The following C1orf141 variants were observed in gnomAD, a reference collection of about 807,000 sequenced individuals.
C1orf141 encodes chromosome 1 open reading frame 141, also known as uncharacterized protein C1orf141.
C1orf141 carries 19 observed loss-of-function variants against 23.2 expected under a neutral mutation model. The ratio of observed to expected loss-of-function variants is 0.82; its 90% CI spans 0.57 to 1.20. The LOEUF is 1.20. Ranked by LOEUF, C1orf141 falls within the 50% of genes most tolerant of loss-of-function variation. C1orf141 has a pLI of 0.00. For synonymous variants in C1orf141, 153 were observed against 154.6 expected (o/e 0.99, Z 0.08); for missense variants, 469 against 455.1 (o/e 1.03, Z -0.28).
At chr1:67,119,621 T>C (rs1022230728) in intron 4 of C1orf141, among the ~76,000 whole-genome samples, 12 of 152,108 alleles carry the variant, frequency 7.9e-5, no homozygotes, top group Admixed American at 6.5e-4. Context: ...GGTAGGTCAG[T>C]GTGGATGTGT....
rs770676818 is a variant in C1orf141, at chr1:67,093,264, T to C, written c.944A>G (p.Tyr315Cys). The change falls in exon 8 of 8, where the codon TAT becomes TGT. Residue 315 changes from tyrosine to cysteine, a missense_variant. Tyr to Cys is a radical substitution (Grantham distance 194, BLOSUM62 -2). Coordinates refer to ENST00000684719, the MANE Select transcript of C1orf141 (RefSeq NM_001276351.2). ...TLENRSWNTL[Y>C]NFSQNFSSLT... ...GCTAGAAAAATTCTGTGAGAAATTA[T>C]AGAGTGTATTCCAAGATCTGTTTTC... The C allele has an allele frequency of 6.2e-7, 1 of 1,613,880 alleles. No homozygotes were observed. The highest frequency in any genetic ancestry group is 1.1e-5 in the South Asian group (1 of 91,076).
At chr1:67,102,116 T>C (rs1645814139) in intron 5 of C1orf141, among the ~76,000 whole-genome samples, 1 of 152,178 alleles carries the variant, frequency 6.6e-6, no homozygotes, top group Non-Finnish European at 1.5e-5. Flanking sequence ...TACAAACCAT[T>C]CATGTCTTGC....
At position 67,093,310 on chromosome 1, in the gene C1orf141, TC is replaced by T; in HGVS notation, c.897del (p.Thr301LeufsTer6). The T allele has an allele frequency of 1.2e-6, 2 of 1,613,808 alleles. No individual in the cohort carries two copies. The highest frequency in any genetic ancestry group is 1.7e-6 in the Non-Finnish European group (2 of 1,179,736). On this transcript the variant is annotated frameshift_variant, in exon 8 of 8. Coordinates refer to ENST00000684719, the MANE Select transcript of C1orf141 (RefSeq NM_001276351.2). LOFTEE classifies it low-confidence loss of function (END_TRUNC). ...TTTTCTAGTGTCTGCTTATTAGTTT[TC>T]TTCTTTAGTTTATCATCTACAGTTG... ...GHTTVDDKLKKKTNKQTLENR... is the reference protein window; with the variant it reads ...GHTTVDDKLKXKTNKQTLENR...
upstream of C1orf141, among the ~76,000 whole-genome samples, chr1:67,137,247 G>A (rs537603620): frequency 1.1e-4 from 16 of 152,206 alleles, no homozygotes; most frequent in South Asian, 4.2e-4. Context: ...TTGTATTTAG[G>A]GTTATAGTTT....
intron 2 of C1orf141, among the ~76,000 whole-genome samples, chr1:67,129,646 G>T (rs1026825279): frequency 1.1e-4 from 16 of 152,124 alleles, no homozygotes; most frequent in African/African-American, 3.9e-4. Flanking sequence ...GAGAAGCCAG[G>T]GTAAGAGAAA....
chr1:67,115,146 T>C (rs1646168355), intron 5 of C1orf141, among the ~76,000 whole-genome samples: 2 of 152,240 alleles, frequency 1.3e-5, no homozygotes, highest in Admixed American at 1.3e-4. Context: ...CATAAAAATA[T>C]ATTCCTATTT....
intron 4 of C1orf141, among the ~76,000 whole-genome samples, chr1:67,120,777 G>A (rs1451912853): frequency 4.0e-5 from 6 of 149,488 alleles, no homozygotes; most frequent in South Asian, 4.4e-4. Flanking sequence ...CCAGGGTATG[G>A]TATTCTTTAT....
rs150418077 is a variant in C1orf141, at chr1:67,113,767, T to A, written c.346+1585A>T. 41 of 1,189,372 alleles carry A rather than the reference T, an allele frequency of 3.4e-5. No homozygotes were observed. The East Asian group carries it at 2.3e-3, about 67-fold the overall frequency. 73.7% of individuals were successfully genotyped at this position (1,189,372 alleles called of 1,614,324 possible). A position where few individuals can be genotyped will look rare whatever the true frequency, so the allele number is the denominator to read the frequency against. On this transcript the variant is annotated intron_variant, in intron 5 of 7. Transcript: ENST00000684719. ...ACTTTTAAAAGATCACTATATGATT[T>A]AAGGAAAGAAAATGGATTAGAGATT...
intron 5 of C1orf141, among the ~76,000 whole-genome samples, chr1:67,101,237 A>G (rs554081379): frequency 2.0e-5 from 3 of 152,214 alleles, no homozygotes; most frequent in African/African-American, 7.2e-5. Context: ...GGAGGTTTTT[A>G]CCCTAGCTTT....
intron 5 of C1orf141, among the ~76,000 whole-genome samples, chr1:67,102,111 AC>A (rs556403284): frequency 1.0e-3 from 157 of 152,262 alleles, no homozygotes; most frequent in Non-Finnish European, 2.0e-3. Flanking sequence ...TGAGCTACAA[AC>A]CATTCATGTC....
At chr1:67,134,755 C>A (rs1646569244) in intron 1 of C1orf141, among the ~76,000 whole-genome samples, 175 bp downstream of exon 1, 1 of 152,260 alleles carries the variant, frequency 6.6e-6, no homozygotes, top group Non-Finnish European at 1.5e-5. Flanking sequence ...CGCGGTCCCA[C>A]ACTTGCCTGA....
chr1:67,127,226 G>T lies in C1orf141; in HGVS notation c.15C>A (p.Ile5=), dbSNP rs1429103341. The T allele has an allele frequency of 1.2e-6, 2 of 1,604,490 alleles. No individual in the cohort carries two copies. The highest frequency in any genetic ancestry group is 8.5e-7 in the Non-Finnish European group (1 of 1,175,234). The change falls in exon 3 of 8, where the codon ATC becomes ATA. Residue 5 remains isoleucine (I), a synonymous_variant. Transcript: ENST00000684719. The part of the protein sequence containing the change: MAEK[I]LEKLDVLDKQ... Reference sequence around the variant, plus strand: ...TATCAAGGACATCCAACTTCTCTAGGATTTTTTCTGCCATTGTCAATCACT... The same window carrying T: ...TATCAAGGACATCCAACTTCTCTAGTATTTTTTCTGCCATTGTCAATCACT...
intron 5 of C1orf141, among the ~76,000 whole-genome samples, chr1:67,107,565 A>C (rs575833072): frequency 1.3e-5 from 2 of 152,322 alleles, no homozygotes; most frequent in African/African-American, 4.8e-5. Flanking sequence ...ATGCATAAGA[A>C]GGCTGCAGTG....
intron 1 of C1orf141, among the ~76,000 whole-genome samples, chr1:67,133,746 A>G (rs1646551567): frequency 6.6e-6 from 1 of 152,184 alleles, no homozygotes; most frequent in Non-Finnish European, 1.5e-5. Context: ...GTCGTTGTGA[A>G]GATTCAGTGA....
At chr1:67,097,786 T>G (rs1484785675) in intron 5 of C1orf141, among the ~76,000 whole-genome samples, 1 of 152,064 alleles carries the variant, frequency 6.6e-6, no homozygotes, top group African/African-American at 2.4e-5. Context: ...TAGATGAACA[T>G]GTTGGTGGAC....
chr1:67,140,235 A>C (rs893302224), intron 1 of C1orf141, among the ~76,000 whole-genome samples: 9 of 152,230 alleles, frequency 5.9e-5, no homozygotes, highest in African/African-American at 2.2e-4. Context: ...CAAAATATTT[A>C]AAGTAAAAAA....
chr1:67,121,142 G>C (rs1484395461), intron 4 of C1orf141, among the ~76,000 whole-genome samples: 1 of 152,152 alleles, frequency 6.6e-6, no homozygotes, highest in Non-Finnish European at 1.5e-5. Flanking sequence ...CCATACAGGA[G>C]GATGTGCTGG....
chr1:67,125,066 C>T (rs1332414019), intron 4 of C1orf141, among the ~76,000 whole-genome samples: 1 of 152,146 alleles, frequency 6.6e-6, no homozygotes, highest in African/African-American at 2.4e-5. Flanking sequence ...CCAAGTATGA[C>T]ATATTTAGGC....
chr1:67,093,554 T>C lies in C1orf141; in HGVS notation c.654A>G (p.Arg218=). 1 of 1,598,388 alleles carries C rather than the reference T, an allele frequency of 6.3e-7. No homozygotes were observed. The highest frequency in any genetic ancestry group is 8.5e-7 in the Non-Finnish European group (1 of 1,170,918). The part of the protein sequence containing the change: ...PIIFHDTEYV[R]MLLLTKNRFS... ...ATCTATTTTTTGTCAAAAGTAACATTCGTACATATTCTGTGTCATGGAAAA... is the reference window on the plus strand; with the variant it reads ...ATCTATTTTTTGTCAAAAGTAACATCCGTACATATTCTGTGTCATGGAAAA... The change falls in exon 8 of 8, where the codon CGA becomes CGG. Residue 218 remains arginine, a synonymous_variant. Transcript: ENST00000684719.
Sources: allele counts gnomAD v4.1 joint callset (sites outside exome capture counted in the v4.1 genomes callset), GRCh38; gene constraint gnomAD v4.1.1; transcripts MANE v1.5; gene names NCBI Gene and HGNC (gene_info 2026-07-23, HGNC 2026-07-21).